UNC5C: variants seen among roughly 807,000 people sequenced by gnomAD.
The protein encoded by UNC5C is netrin receptor UNC5C.
In UNC5C, 47 loss-of-function variants were observed where a neutral mutation model predicts 99.8. That is an observed-to-expected ratio of 0.47 (90% CI 0.37 to 0.60). UNC5C has a LOEUF of 0.60. Ranked by LOEUF, UNC5C falls within the 20% of genes least tolerant of loss-of-function variation. The probability of loss-of-function intolerance (pLI) is 0.00; values close to 1 mark genes in which losing one functional copy is unlikely to be tolerated. For missense variants in UNC5C, 1,062 were observed against 1,165.9 expected, an observed-to-expected ratio of 0.91 and a Z score of 1.30; for synonymous variants, 487 against 452.2, an observed-to-expected ratio of 1.08 and a Z score of -0.98.
At chr4:95,249,141 T>A (rs1039960831) in intron 5 of UNC5C, among the ~76,000 whole-genome samples, 3 of 152,226 alleles carry the variant, frequency 2.0e-5, no homozygotes, top group Non-Finnish European at 4.4e-5. Flanking sequence ...AGTAATAGGC[T>A]ATACCATCTA....
chr4:95,307,085 A>G (rs1742087300), intron 2 of UNC5C, among the ~76,000 whole-genome samples: 1 of 152,160 alleles, frequency 6.6e-6, no homozygotes, highest in Non-Finnish European at 1.5e-5. Context: ...TTATTTCAGC[A>G]TCTTATAACT....
intron 1 of UNC5C, among the ~76,000 whole-genome samples, chr4:95,506,605 G>A (rs922037837): frequency 6.6e-6 from 1 of 151,908 alleles, no homozygotes; most frequent in African/African-American, 2.4e-5. Context: ...TTTTTACAGA[G>A]GCGGGGAAGA....
At chr4:95,224,734 C>A (rs149113056) in intron 7 of UNC5C, among the ~76,000 whole-genome samples, 1 of 151,682 alleles carries the variant, frequency 6.6e-6, no homozygotes, top group East Asian at 1.9e-4. Context: ...AGAAAATAAG[C>A]AAGTAAACAA....
In UNC5C at chr4:95,245,016, G is replaced by T. The variant is rs2149379600; in HGVS notation, c.904C>A (p.Gln302Lys). Residue 302 changes from glutamine (Q) to lysine (K), a missense_variant, in exon 6 of 16, where the codon CAG (glutamine) becomes AAG (lysine). Coordinates refer to ENST00000453304, the MANE Select transcript of UNC5C (RefSeq NM_003728.4). The part of the protein sequence containing the change: ...PLNGGAFCEG[Q>K]SVQKIACTTL... ...GTACAGGCTATTTTCTGCACACTCT[G>T]CCCTTCACAGAAGGCACCCCCATTG... The T allele has an allele frequency of 1.2e-6, 2 of 1,613,884 alleles. No homozygotes were observed. The highest frequency in any genetic ancestry group is 1.7e-6 in the Non-Finnish European group (2 of 1,179,924).
chr4:95,269,836 C>G (rs1360367890), intron 4 of UNC5C, among the ~76,000 whole-genome samples: 1 of 152,120 alleles, frequency 6.6e-6, no homozygotes, highest in South Asian at 2.1e-4. Context: ...CCTCAGCCTC[C>G]CAAGTAGCTA....
rs1288658952 is a variant in UNC5C at position 95,386,777 on chromosome 4, T to A, written c.125-51146A>T. On this transcript the variant is annotated intron_variant, in intron 1 of 15. Transcript: ENST00000453304. ...GAACGAATGCTGGAGCTGTTCTCAC[T>A]TCCCCCCAAAAAAAGCCCGAGTCTT... Among the ~76,000 whole-genome samples, 3 of 152,184 alleles carry A rather than the reference T, an allele frequency of 2.0e-5. No individual in the cohort carries two copies. In the South Asian group the frequency reaches 6.2e-4, roughly 32 times the overall value.
At position 95,265,033 on chromosome 4, in the gene UNC5C, C is replaced by T. The variant is rs557340855; in HGVS notation, c.594+13226G>A. Among the ~76,000 whole-genome samples, 15 of 152,264 alleles carry T rather than the reference C, an allele frequency of 9.9e-5. No homozygotes were observed. In the South Asian group the frequency reaches 3.1e-3, roughly 32 times the overall value. On this transcript the variant is annotated intron_variant, in intron 4 of 15. Transcript: ENST00000453304. ...TCACCTGGGGAGCGCTTAAGCCATC[C>T]TGATGCCTGGGGCCCCACCTTCAAT...
intron 4 of UNC5C, among the ~76,000 whole-genome samples, chr4:95,254,712 T>C (rs1435347231): frequency 1.3e-5 from 2 of 152,198 alleles, no homozygotes; most frequent in Non-Finnish European, 2.9e-5. Flanking sequence ...CTCTTGTCCT[T>C]ATCATCAATT....
chr4:95,444,803 G>C (rs535427512), intron 1 of UNC5C, among the ~76,000 whole-genome samples: 1 of 152,064 alleles, frequency 6.6e-6, no homozygotes, highest in Admixed American at 6.5e-5. Flanking sequence ...TCCTATATCT[G>C]CAGGGGATTA....
intron 2 of UNC5C, among the ~76,000 whole-genome samples, chr4:95,321,061 C>G (rs1434925096): frequency 6.6e-6 from 1 of 152,156 alleles, no homozygotes; most frequent in Non-Finnish European, 1.5e-5. Flanking sequence ...ACTTTGCAAT[C>G]ATGTTCTAGA....
intron 14 of UNC5C, among the ~76,000 whole-genome samples, chr4:95,175,231 T>A (rs1264201678): frequency 3.0e-4 from 44 of 147,140 alleles, no homozygotes; most frequent in South Asian, 6.6e-4. Context: ...TTGGAGCATT[T>A]AGTCCATTTA....
rs901207941 is a variant in UNC5C at position 95,362,199 on chromosome 4, C to G, written c.125-26568G>C. 7.5e-4 allele frequency among the ~76,000 whole-genome samples: 114 copies of G among 152,124 alleles called. 1 individual carries two copies. Among genetic ancestry groups the G allele is most frequent in the Middle Eastern group, 3.4e-3 (1 of 294 alleles). Reference sequence around the variant, plus strand: ...TTTCTTCTTGTTTTGAAAAAGAAACCTCTTCCACCCTCTTAGGCCACGTGG... The same window carrying G: ...TTTCTTCTTGTTTTGAAAAAGAAACGTCTTCCACCCTCTTAGGCCACGTGG... On this transcript the variant is annotated intron_variant, in intron 1 of 15. Transcript: ENST00000453304.
intron 14 of UNC5C, among the ~76,000 whole-genome samples, chr4:95,175,383 G>T (rs941204623): frequency 7.9e-5 from 12 of 151,680 alleles, no homozygotes; most frequent in Non-Finnish European, 1.2e-4. Flanking sequence ...GGCTGGTACC[G>T]GTTGTTCCTT....
intron 1 of UNC5C, among the ~76,000 whole-genome samples, chr4:95,338,070 T>C (rs949834407): frequency 4.6e-5 from 7 of 152,032 alleles, no homozygotes; most frequent in Non-Finnish European, 4.4e-5. Context: ...ATTTAGTAGA[T>C]ATGTACAGTG....
At chr4:95,305,012 A>C (rs987143272) in intron 2 of UNC5C, among the ~76,000 whole-genome samples, 1 of 152,230 alleles carries the variant, frequency 6.6e-6, no homozygotes, top group African/African-American at 2.4e-5. Context: ...CCCTCCTGCT[A>C]CAGGAGTTAT....
At chr4:95,191,504 G>A (rs973119693) in intron 12 of UNC5C, among the ~76,000 whole-genome samples, 7 of 151,854 alleles carry the variant, frequency 4.6e-5, no homozygotes, top group Admixed American at 2.0e-4. Context: ...CTAGTGCTCC[G>A]GACCCTGGCT....
At chr4:95,272,528 AT>A (rs1434309151) in intron 4 of UNC5C, among the ~76,000 whole-genome samples, 1 of 152,250 alleles carries the variant, frequency 6.6e-6, no homozygotes. Context: ...TCAGAAAAAA[AT>A]ATGGGATTTT....
intron 3 of UNC5C, among the ~76,000 whole-genome samples, chr4:95,297,743 A>G (rs1741711508): frequency 6.6e-6 from 1 of 152,178 alleles, no homozygotes; most frequent in African/African-American, 2.4e-5. Flanking sequence ...TCTTTCTCTC[A>G]CATCACACAT....
Position 95,250,569 on chromosome 4 carries a change from G to C in UNC5C, c.693C>G (p.Leu231=). 1 of 1,613,978 alleles carries C rather than the reference G, an allele frequency of 6.2e-7. No homozygotes were observed. ...CACAGGTGTAATTTGCAGTATCAGA[G>C]AGTCGGGCCTGCTTTATGATGAGGT... is the stretch of plus-strand genomic sequence containing the variant. ...DHNLIIKQAR[L]SDTANYTCVA... is the part of the protein sequence containing the mutation. The change falls in exon 5 of 16, where the codon CTC becomes CTG. Residue 231 remains leucine (L), a synonymous_variant. Coordinates refer to ENST00000453304, the MANE Select transcript of UNC5C (RefSeq NM_003728.4).
Sources: allele counts gnomAD v4.1 joint callset (sites outside exome capture counted in the v4.1 genomes callset), GRCh38; gene constraint gnomAD v4.1.1; transcripts MANE v1.5; gene names NCBI Gene and HGNC (gene_info 2026-07-23, HGNC 2026-07-21).